The following SHLD1 variants were observed in gnomAD, a reference collection of about 807,000 sequenced individuals.
SHLD1 encodes shieldin complex subunit 1, also known as RINN1-REV7-interacting novel NHEJ regulator 3.
Under a neutral mutation model 5.5 loss-of-function variants are expected in SHLD1, and 3 were observed. The ratio of observed to expected loss-of-function variants is 0.54; its 90% CI spans 0.25 to 1.40. SHLD1 has a LOEUF of 1.40. SHLD1 is among the 40% of genes most tolerant of loss of function. The pLI is 0.15. For missense variants in SHLD1, 210 were observed against 244.4 expected, an observed-to-expected ratio of 0.86 and a Z score of 0.94; for synonymous variants, 92 against 94.3, an observed-to-expected ratio of 0.98 and a Z score of 0.14.
intron 2 of SHLD1, among the ~76,000 whole-genome samples, chr20:5,787,755 G>T (rs1206508207): frequency 6.6e-6 from 1 of 152,182 alleles, no homozygotes; most frequent in East Asian, 1.9e-4. Context: ...TAAAAATGGA[G>T]ATCAAGTATT....
chr20:5,805,714 C>A (rs1304292362), intron 2 of SHLD1, among the ~76,000 whole-genome samples: 4 of 152,156 alleles, frequency 2.6e-5, no homozygotes, highest in Admixed American at 2.6e-4. Context: ...GATTCTCATG[C>A]CTCAGTCTCC....
In SHLD1 at chr20:5,844,799, A is replaced by ATATT. The variant is rs1460082835; in HGVS notation, c.179-18224_179-18223insATTT. Among the ~76,000 whole-genome samples, 641 of 71,622 alleles carry ATATT rather than the reference A, an allele frequency of 8.9e-3. 12 individuals carry two copies. The highest frequency in any genetic ancestry group is 0.024 in the African/African-American group (579 of 23,874). 47.0% of individuals were successfully genotyped at this position (71,622 alleles called of 152,430 possible). ...TATATATATATATATATATATATAT[A>ATATT]TTTTTTTTTTTTTGAGACACAGTCT... On this transcript the variant is annotated intron_variant, in intron 2 of 2. Coordinates refer to ENST00000303142, the MANE Select transcript of SHLD1 (RefSeq NM_152504.4).
intron 2 of SHLD1, among the ~76,000 whole-genome samples, chr20:5,857,636 C>G (rs566814582): frequency 6.6e-6 from 1 of 151,950 alleles, no homozygotes; most frequent in South Asian, 2.1e-4. Context: ...TGGTGAAACC[C>G]CGTCTCTACA....
intron 1 of SHLD1, among the ~76,000 whole-genome samples, chr20:5,767,122 ATTTTCTTTTC>A (rs60269759): frequency 1.7e-4 from 25 of 149,330 alleles, no homozygotes; most frequent in Non-Finnish European, 2.5e-4. Context: ...CTCCATTCAC[ATTTTCTTTTC>A]TTTTCTTTTC....
chr20:5,824,126 G>A (rs910890479), intron 2 of SHLD1, among the ~76,000 whole-genome samples: 1 of 152,216 alleles, frequency 6.6e-6, no homozygotes, highest in South Asian at 2.1e-4. Context: ...CTGCCTGGCT[G>A]TGACTGCTTC....
intron 2 of SHLD1, among the ~76,000 whole-genome samples, chr20:5,837,924 C>T (rs1317044298): frequency 6.6e-6 from 1 of 152,246 alleles, no homozygotes; most frequent in Non-Finnish European, 1.5e-5. Context: ...TGGACCTGCA[C>T]AGTTCAAACC....
At chr20:5,839,440 A>G (rs1345672989) in intron 2 of SHLD1, among the ~76,000 whole-genome samples, 1 of 152,106 alleles carries the variant, frequency 6.6e-6, no homozygotes, top group African/African-American at 2.4e-5. Context: ...TCATAGAGAG[A>G]TGAATGGGTA....
At chr20:5,799,355 C>A (rs2087258364) in intron 2 of SHLD1, among the ~76,000 whole-genome samples, 1 of 151,880 alleles carries the variant, frequency 6.6e-6, no homozygotes, top group African/African-American at 2.4e-5. Flanking sequence ...GGCTGTAGTG[C>A]ATTGGCACCA....
rs76809039 is a variant in SHLD1, at chr20:5,803,078, G to A, written c.178+30035G>A. 9.7e-4 allele frequency among the ~76,000 whole-genome samples: 148 copies of A among 152,304 alleles called. 2 individuals carry two copies. In the East Asian group the frequency reaches 0.024, roughly 25 times the overall value. ...ACAGTCAATAAGCAACTCAAGAGGGGCCGTATTTCAATCCAGCATTCCTGA... is the reference window on the plus strand; with the variant it reads ...ACAGTCAATAAGCAACTCAAGAGGGACCGTATTTCAATCCAGCATTCCTGA... On this transcript the variant is annotated intron_variant, in intron 2 of 2. Coordinates refer to ENST00000303142, the MANE Select transcript of SHLD1 (RefSeq NM_152504.4).
At chr20:5,816,645 A>C (rs924486758) in intron 2 of SHLD1, among the ~76,000 whole-genome samples, 1 of 152,192 alleles carries the variant, frequency 6.6e-6, no homozygotes, top group African/African-American at 2.4e-5. Flanking sequence ...TTTCCAGTTC[A>C]TATTTTTTCT....
intron 2 of SHLD1, among the ~76,000 whole-genome samples, chr20:5,823,607 C>T (rs1192506447): frequency 6.6e-6 from 1 of 151,768 alleles, no homozygotes; most frequent in Non-Finnish European, 1.5e-5. Context: ...GCCACCACAC[C>T]CAGTTAATTT....
intron 2 of SHLD1, among the ~76,000 whole-genome samples, chr20:5,824,032 C>T (rs1880969658): frequency 6.6e-6 from 1 of 152,228 alleles, no homozygotes; most frequent in Non-Finnish European, 1.5e-5. Flanking sequence ...GTCACTTCCA[C>T]CTGCTTAAAA....
intron 2 of SHLD1, among the ~76,000 whole-genome samples, chr20:5,824,640 T>C (rs972800342): frequency 6.6e-6 from 1 of 150,928 alleles, no homozygotes; most frequent in Non-Finnish European, 1.5e-5. Flanking sequence ...TTTTTTTTTT[T>C]TGGGACAAAC....
intron 1 of SHLD1, among the ~76,000 whole-genome samples, chr20:5,771,651 G>A (rs2122237689): frequency 6.7e-6 from 1 of 149,954 alleles, no homozygotes; most frequent in Admixed American, 6.7e-5. Flanking sequence ...GTCTTGCTCT[G>A]TAGCCCAGGC....
intron 2 of SHLD1, among the ~76,000 whole-genome samples, chr20:5,792,705 G>T (rs2087158959): frequency 6.9e-6 from 1 of 145,728 alleles, no homozygotes; most frequent in African/African-American, 2.5e-5. Flanking sequence ...AAAGAGTCTT[G>T]GTCTGTTGCC....
chr20:5,857,916 G>A (rs553119346), intron 2 of SHLD1, among the ~76,000 whole-genome samples: 3 of 152,226 alleles, frequency 2.0e-5, no homozygotes, highest in South Asian at 2.1e-4. Context: ...CGGCTAACAC[G>A]GTGAAACCCC....
At chr20:5,831,500 A>G (rs1029638858) in intron 2 of SHLD1, among the ~76,000 whole-genome samples, 2 of 152,080 alleles carry the variant, frequency 1.3e-5, no homozygotes, top group African/African-American at 2.4e-5. Context: ...TCATATCTCC[A>G]TTCAGGAGAT....
chr20:5,785,796 C>CAAAAAAA (rs34293571), intron 2 of SHLD1, among the ~76,000 whole-genome samples: 1 of 82,354 alleles, frequency 1.2e-5, no homozygotes. Context: ...ACTCCGTCTC[C>CAAAAAAA]AAAAAAAAAA....
rs1397219600 is a variant in SHLD1, at chr20:5,750,459, C to G, written c.-25C>G. On this transcript the variant is annotated 5_prime_UTR_variant, in exon 1 of 3. Transcript: ENST00000303142. ...CTTGGCGGCTTTTCTCCTCAGTTTTCTGGAGTGCTTTGGAGGAGAGGTAAG... is the reference window on the plus strand; with the variant it reads ...CTTGGCGGCTTTTCTCCTCAGTTTTGTGGAGTGCTTTGGAGGAGAGGTAAG... The G allele has an allele frequency of 1.8e-5, 2 of 114,184 alleles. No individual in the cohort carries two copies. The highest frequency in any genetic ancestry group is 7.0e-5 in the African/African-American group (2 of 28,634). The allele number at this position is 114,184 out of a possible 1,614,324, so 7.1% of individuals were successfully genotyped here.
Sources: gnomAD v4.1 joint callset for allele counts (sites outside exome capture counted in the v4.1 genomes callset) on GRCh38, gnomAD v4.1.1 for gene constraint, MANE v1.5 for transcripts, NCBI Gene and HGNC (gene_info 2026-07-23, HGNC 2026-07-21) for gene names.